MYBL1: variants seen among roughly 807,000 people sequenced by gnomAD.
MYBL1 encodes MYB proto-oncogene like 1.
MYBL1 carries 17 observed loss-of-function variants against 96.3 expected under a neutral mutation model. The observed-to-expected ratio is 0.18, with a 90% CI of 0.12 to 0.26. The LOEUF is 0.26. Ranked by LOEUF, MYBL1 falls within the 10% of genes least tolerant of loss-of-function variation. MYBL1 has a pLI of 1.00. For missense variants in MYBL1, 701 were observed against 882.9 expected (o/e 0.79, Z 2.61); for synonymous variants, 282 against 292.7 (o/e 0.96, Z 0.37).
rs757999984 is a variant in MYBL1 at position 66,576,069 on chromosome 8, C to G, written c.1408G>C (p.Asp470His). 1.9e-6 allele frequency: 3 copies of G among 1,613,820 alleles called. No homozygotes were observed. The highest frequency in any genetic ancestry group is 2.7e-5 in the African/African-American group (2 of 74,918). Residue 470 changes from aspartate (D) to histidine (H), a missense_variant, in exon 10 of 16, where the codon GAT becomes CAT. Transcript: ENST00000522677. The part of the protein sequence containing the change: ...GSELRDGSLN[D>H]GGNMALKHTP... ...TGTTTTAGCGCCATATTACCACCAT[C>G]GTTCAATGAGCCATCCCTAAGTTCG...
rs1809147977 is a variant in MYBL1, at chr8:66,580,240, C to G, written c.994G>C (p.Ala332Pro). 6.2e-7 allele frequency: 1 copy of G among 1,613,780 alleles called. No individual in the cohort carries two copies. The highest frequency in any genetic ancestry group is 1.3e-5 in the African/African-American group (1 of 74,934). ...YSMDENQPVS[A>P]QQNSPTKFLA... Reference sequence around the variant, plus strand: ...AACTTTGTGGGTGAATTCTGCTGAGCAGACACAGGCTGATTTTCATCCATA... The same window carrying G: ...AACTTTGTGGGTGAATTCTGCTGAGGAGACACAGGCTGATTTTCATCCATA... The change falls in exon 9 of 16, where the codon GCT (alanine) becomes CCT (proline). Residue 332 changes from alanine (A) to proline (P), a missense_variant. Around this residue, in one of 5 missense-constraint regions of MYBL1, gnomAD observed 396 missense variants for 407.4 expected, o/e 0.97. Transcript: ENST00000522677.
chr8:66,592,256 C>T (rs1479850053), intron 8 of MYBL1, among the ~76,000 whole-genome samples, 184 bp downstream of exon 8: 2 of 151,884 alleles, frequency 1.3e-5, no homozygotes, highest in South Asian at 2.1e-4. Flanking sequence ...CAGAGCAAGA[C>T]CCTGTCTCAA....
intron 1 of MYBL1, among the ~76,000 whole-genome samples, chr8:66,611,471 T>C (rs1002923775): frequency 6.6e-5 from 10 of 152,182 alleles, no homozygotes; most frequent in Admixed American, 2.0e-4. Context: ...CAAAAGATAT[T>C]TGGCAATGTC....
chr8:66,580,226 T>C lies in MYBL1; in HGVS notation c.1008A>G (p.Ser336=). Residue 336 remains serine (S), a synonymous_variant, in exon 9 of 16, where the codon TCA becomes TCG. Transcript: ENST00000522677. ...ENQPVSAQQN[S]PTKFLAVEAN... The stretch of plus-strand genomic sequence containing the variant: ...CCTCCACGGCCAGGAACTTTGTGGG[T>C]GAATTCTGCTGAGCAGACACAGGCT... 6.2e-7 allele frequency: 1 copy of C among 1,613,942 alleles called. No homozygotes were observed. The highest frequency in any genetic ancestry group is 8.5e-7 in the Non-Finnish European group (1 of 1,179,874).
chr8:66,593,350 T>C (rs1809727342), intron 6 of MYBL1, among the ~76,000 whole-genome samples, 156 bp from the exon 7 acceptor site: 1 of 152,224 alleles, frequency 6.6e-6, no homozygotes, highest in Non-Finnish European at 1.5e-5. Context: ...TACTTTCTTA[T>C]CTATTAAATA....
chr8:66,569,357 T>C (rs917778694), intron 12 of MYBL1, among the ~76,000 whole-genome samples: 1 of 151,460 alleles, frequency 6.6e-6, no homozygotes, highest in Non-Finnish European at 1.5e-5. Context: ...TTTTTTTCCT[T>C]AATTTTTTTT....
At chr8:66,587,711 G>A (rs1260597611) in intron 8 of MYBL1, among the ~76,000 whole-genome samples, 2 of 152,164 alleles carry the variant, frequency 1.3e-5, no homozygotes, top group Non-Finnish European at 2.9e-5. Flanking sequence ...CAAACTTTCT[G>A]AGATGATGAA....
chr8:66,568,943 GA>G (rs776071571), intron 12 of MYBL1, among the ~76,000 whole-genome samples: 61 of 152,242 alleles, frequency 4.0e-4, no homozygotes, highest in Non-Finnish European at 7.8e-4. Flanking sequence ...AGAATCGCTT[GA>G]AACTAGAAGG....
chr8:66,587,874 C>G (rs900660576), intron 8 of MYBL1, among the ~76,000 whole-genome samples: 2 of 152,080 alleles, frequency 1.3e-5, no homozygotes, highest in African/African-American at 4.8e-5. Context: ...CACTGGAAGT[C>G]TATAGGAAGC....
At chr8:66,606,921 G>A (rs1284435342) in intron 1 of MYBL1, among the ~76,000 whole-genome samples, 1 of 152,072 alleles carries the variant, frequency 6.6e-6, no homozygotes, top group Non-Finnish European at 1.5e-5. Flanking sequence ...CTCCCAGGTA[G>A]AAGGAATTAC....
At chr8:66,581,504 C>T (rs1809210487) in intron 8 of MYBL1, among the ~76,000 whole-genome samples, 1 of 151,978 alleles carries the variant, frequency 6.6e-6, no homozygotes, top group African/African-American at 2.4e-5. Flanking sequence ...TAACGAAACC[C>T]CATCTCTACA....
chr8:66,576,110 C>G lies in MYBL1; in HGVS notation c.1367G>C (p.Gly456Ala). 6.2e-7 allele frequency: 1 copy of G among 1,613,956 alleles called. No homozygotes were observed. Among genetic ancestry groups the G allele is most frequent in the Non-Finnish European group, 8.5e-7 (1 of 1,179,880 alleles). The change falls in exon 10 of 16, where the codon GGT (glycine) becomes GCT (alanine). Residue 456 changes from glycine to alanine, a missense_variant. This residue lies in a region of MYBL1 where 396 missense variants were observed against 407.4 expected (regional missense o/e 0.97). Transcript: ENST00000522677. ...CCTAAGTTCGCTGCCTGGGGAATGA[C>G]CCACTCGCATTTTTCTCTTCTTTCT... is the stretch of plus-strand genomic sequence containing the variant. ...ILRKKRKMRVGHSPGSELRDG... is the reference protein window; with the variant it reads ...ILRKKRKMRVAHSPGSELRDG...
Position 66,612,813 on chromosome 8 carries a change from A to T in MYBL1, c.20+6T>A. On this transcript the variant is annotated splice_donor_region_variant and intron_variant, in intron 1 of 15. Coordinates refer to ENST00000522677, the MANE Select transcript of MYBL1 (RefSeq NM_001080416.4). Reference sequence around the variant, plus strand: ...GACAGGCCTGGGCGAAAGGGGTGCCACCCACCTGCGCGACCTCTTCGCCAT... The same window carrying T: ...GACAGGCCTGGGCGAAAGGGGTGCCTCCCACCTGCGCGACCTCTTCGCCAT... 7.3e-7 allele frequency: 1 copy of T among 1,370,476 alleles called. No homozygotes were observed. The highest frequency in any genetic ancestry group is 9.5e-7 in the Non-Finnish European group (1 of 1,053,014). The allele number at this position is 1,370,476 out of a possible 1,614,324, so 84.9% of individuals were successfully genotyped here.
At chr8:66,594,868 G>A (rs1366605609) in intron 6 of MYBL1, among the ~76,000 whole-genome samples, 4 of 152,128 alleles carry the variant, frequency 2.6e-5, no homozygotes, top group Non-Finnish European at 5.9e-5. Flanking sequence ...TTATCTTTTG[G>A]TAGAAAACTA....
intron 8 of MYBL1, among the ~76,000 whole-genome samples, chr8:66,591,755 T>G (rs1809654036): frequency 6.6e-6 from 1 of 152,068 alleles, no homozygotes; most frequent in Non-Finnish European, 1.5e-5. Context: ...TTCTTTATTT[T>G]AAAAAGAATT....
intron 8 of MYBL1, among the ~76,000 whole-genome samples, chr8:66,587,928 G>A (rs1349146924): frequency 6.6e-6 from 1 of 152,130 alleles, no homozygotes; most frequent in Non-Finnish European, 1.5e-5. Flanking sequence ...AAAATTTTCA[G>A]AATGTTCTAG....
intron 8 of MYBL1, among the ~76,000 whole-genome samples, chr8:66,582,929 A>T (rs1809276350): frequency 6.6e-6 from 1 of 152,178 alleles, no homozygotes; most frequent in African/African-American, 2.4e-5. Flanking sequence ...CTCAGCAATG[A>T]AAGATCATCT....
In MYBL1 at chr8:66,566,228, TA is replaced by T; in HGVS notation, c.1965del (p.Phe655LeufsTer6). 1 of 1,477,950 alleles carries T rather than the reference TA, an allele frequency of 6.8e-7. No homozygotes were observed. Among genetic ancestry groups the T allele is most frequent in the Non-Finnish European group, 9.1e-7 (1 of 1,095,016 alleles). The allele number at this position is 1,477,950 out of a possible 1,614,324, so 91.6% of individuals were successfully genotyped here. A position where few individuals can be genotyped will look rare whatever the true frequency, so the allele number is the denominator to read the frequency against. On this transcript the variant is annotated frameshift_variant, in exon 15 of 16. Coordinates refer to ENST00000522677, the MANE Select transcript of MYBL1 (RefSeq NM_001080416.4). LOFTEE classifies it high-confidence loss of function. The stretch of plus-strand genomic sequence containing the variant: ...AATGGTATCATTAATAAGGATGTAG[TA>T]AATCTATTTTCTGACTAAGAGAGAA... ...DISDMQSENRFTTSLLMIPLL... is the reference protein window; with the variant it reads ...DISDMQSENRXTTSLLMIPLL...
chr8:66,585,311 T>A (rs1033501071), intron 8 of MYBL1, among the ~76,000 whole-genome samples: 1 of 152,050 alleles, frequency 6.6e-6, no homozygotes, highest in African/African-American at 2.4e-5. Context: ...AAACTGGATA[T>A]CCATATGCAG....
Sources: gnomAD v4.1 joint callset for allele counts (sites outside exome capture counted in the v4.1 genomes callset) on GRCh38, gnomAD v4.1.1 for gene constraint, gnomAD v4.1.1 regional missense constraint, MANE v1.5 for transcripts, NCBI Gene and HGNC (gene_info 2026-07-23, HGNC 2026-07-21) for gene names.